Variants in GSTCD observed in about 807,000 individuals in gnomAD.
GSTCD encodes the protein glutathione S-transferase C-terminal domain containing, also known as glutathione S-transferase C-terminal domain-containing protein.
In GSTCD, 44 loss-of-function variants were observed where a neutral mutation model predicts 68.3. The observed-to-expected ratio is 0.64, with a 90% CI of 0.51 to 0.83. GSTCD has a LOEUF of 0.83. Among genes scored for constraint, GSTCD ranks in the 40% least tolerant of loss-of-function variants. The probability of loss-of-function intolerance (pLI) is 0.00; values close to 1 mark genes in which losing one functional copy is unlikely to be tolerated. For missense variants in GSTCD, 739 were observed against 735.9 expected, an observed-to-expected ratio of 1.00 and a Z score of -0.05; for synonymous variants, 273 against 255.2, an observed-to-expected ratio of 1.07 and a Z score of -0.67.
intron 5 of GSTCD, among the ~76,000 whole-genome samples, chr4:105,759,383 A>G (rs1734316390): frequency 6.6e-6 from 1 of 152,192 alleles, no homozygotes; most frequent in South Asian, 2.1e-4. Context: ...TGATAGTTCA[A>G]GTGAACCCAG....
At chr4:105,756,413 C>A (rs1474953882) in intron 5 of GSTCD, among the ~76,000 whole-genome samples, 3 of 151,450 alleles carry the variant, frequency 2.0e-5, no homozygotes, top group Non-Finnish European at 4.4e-5. Context: ...CTCATTAGAA[C>A]GCAAGACACT....
rs764152379 is a variant in GSTCD, at chr4:105,719,037, CTTGTT to C, written c.427-15_427-11del. 5 of 1,513,240 alleles carry C rather than the reference CTTGTT, an allele frequency of 3.3e-6. No individual in the cohort carries two copies. Among genetic ancestry groups the C allele is most frequent in the Non-Finnish European group, 3.6e-6 (4 of 1,115,242 alleles). The allele number at this position is 1,513,240 out of a possible 1,614,324, so 93.7% of individuals were successfully genotyped here. A position where few individuals can be genotyped will look rare whatever the true frequency, so the allele number is the denominator to read the frequency against. On this transcript the variant is annotated intron_variant, in intron 2 of 11. Coordinates refer to ENST00000515279, the MANE Select transcript of GSTCD (RefSeq NM_001370181.1). The stretch of plus-strand genomic sequence containing the variant: ...TTGAAATTAAAAAATCTTTTCATTT[CTTGTT>C]TTGTTTTTGTTTTGTAGGTTAGTCA...
intron 5 of GSTCD, among the ~76,000 whole-genome samples, chr4:105,760,737 A>G (rs1028734224): frequency 1.3e-5 from 2 of 152,194 alleles, no homozygotes; most frequent in African/African-American, 2.4e-5. Flanking sequence ...GTGGAAAGGG[A>G]ATTTCAAGTG....
intron 5 of GSTCD, among the ~76,000 whole-genome samples, chr4:105,774,212 A>G (rs920531452): frequency 6.6e-6 from 1 of 152,152 alleles, no homozygotes; most frequent in Non-Finnish European, 1.5e-5. Context: ...CTTGGTAAAT[A>G]TTCCTCCATC....
At chr4:105,772,903 T>G (rs1734910411) in intron 5 of GSTCD, among the ~76,000 whole-genome samples, 1 of 152,192 alleles carries the variant, frequency 6.6e-6, no homozygotes, top group Admixed American at 6.5e-5. Flanking sequence ...CCTCTTTTTC[T>G]GTTGTTTGCA....
chr4:105,805,112 A>G (rs1422301302), intron 5 of GSTCD, among the ~76,000 whole-genome samples: 1 of 152,132 alleles, frequency 6.6e-6, no homozygotes, highest in Non-Finnish European at 1.5e-5. Context: ...TAAAATATTT[A>G]TTGTAAAAGG....
chr4:105,810,744 C>G (rs1300584677), intron 5 of GSTCD, among the ~76,000 whole-genome samples: 1 of 151,970 alleles, frequency 6.6e-6, no homozygotes, highest in Non-Finnish European at 1.5e-5. Context: ...ATTTTTGTAG[C>G]TCTCAATTTC....
At chr4:105,807,621 A>C (rs1228977940) in intron 5 of GSTCD, among the ~76,000 whole-genome samples, 1 of 152,114 alleles carries the variant, frequency 6.6e-6, no homozygotes, top group Non-Finnish European at 1.5e-5. Flanking sequence ...ATGAAAATTA[A>C]ACTATTGGCA....
At chr4:105,718,318 C>G (rs1732750321) in intron 2 of GSTCD, among the ~76,000 whole-genome samples, 1 of 152,118 alleles carries the variant, frequency 6.6e-6, no homozygotes, top group South Asian at 2.1e-4. Context: ...GGTGCTCTCA[C>G]TGGGGTAATG....
chr4:105,842,252 C>A (rs1724381164), intron 11 of GSTCD, 118 bp downstream of exon 11: 2 of 708,612 alleles, frequency 2.8e-6, no homozygotes, highest in African/African-American at 1.8e-5. Flanking sequence ...CAATGAGAAA[C>A]TAAATATGTT....
chr4:105,773,972 A>G (rs1444212128), intron 5 of GSTCD, among the ~76,000 whole-genome samples: 1 of 152,134 alleles, frequency 6.6e-6, no homozygotes, highest in African/African-American at 2.4e-5. Context: ...GTCTCCCACT[A>G]TTATTGTGTG....
At chr4:105,724,186 A>T (rs953278431) in intron 3 of GSTCD, among the ~76,000 whole-genome samples, 1 of 151,920 alleles carries the variant, frequency 6.6e-6, no homozygotes, top group Admixed American at 6.6e-5. Context: ...CATAAGTCAT[A>T]ATGTGTTTGA....
chr4:105,786,831 C>G (rs1158955230), intron 5 of GSTCD, among the ~76,000 whole-genome samples: 2 of 151,928 alleles, frequency 1.3e-5, no homozygotes, highest in Non-Finnish European at 2.9e-5. Context: ...AATAAAATAG[C>G]CAGATAATAA....
At chr4:105,772,504 A>G (rs1372616965) in intron 5 of GSTCD, among the ~76,000 whole-genome samples, 1 of 152,150 alleles carries the variant, frequency 6.6e-6, no homozygotes, top group East Asian at 1.9e-4. Context: ...TGTCATAAAT[A>G]GCTCTTATTG....
chr4:105,832,542 G>A (rs1040186390), intron 8 of GSTCD, among the ~76,000 whole-genome samples: 12 of 152,188 alleles, frequency 7.9e-5, no homozygotes, highest in African/African-American at 2.6e-4. Context: ...TTTGCTCAGA[G>A]CCTGAAGAGG....
chr4:105,738,401 A>AT (rs1402904926), intron 5 of GSTCD, among the ~76,000 whole-genome samples: 2 of 151,324 alleles, frequency 1.3e-5, no homozygotes, highest in Non-Finnish European at 2.9e-5. Context: ...GAATTTTAGG[A>AT]TTTTTTTTCT....
chr4:105,731,226 T>A (rs1055950334), intron 5 of GSTCD, among the ~76,000 whole-genome samples: 2 of 152,168 alleles, frequency 1.3e-5, no homozygotes, highest in African/African-American at 4.8e-5. Flanking sequence ...TCTTTTTTGG[T>A]TCCATATGAA....
intron 5 of GSTCD, among the ~76,000 whole-genome samples, chr4:105,756,744 A>G: frequency 6.6e-6 from 1 of 152,124 alleles, no homozygotes; most frequent in East Asian, 1.9e-4. Context: ...CTCTGCAGAT[A>G]TCTGACAGAG....
rs1724518872 is a variant in GSTCD at position 105,845,585 on chromosome 4, T to A, written c.*8T>A. 1 of 1,613,638 alleles carries A rather than the reference T, an allele frequency of 6.2e-7. No individual in the cohort carries two copies. The highest frequency in any genetic ancestry group is 1.7e-5 in the Admixed American group (1 of 59,996). ...GTGGGAGTCCCCATTTAAAATGAGA[T>A]ATTCACATTTGATATTTTGCCATCC... On this transcript the variant is annotated 3_prime_UTR_variant, in exon 12 of 12. Transcript: ENST00000515279.
Sources: allele counts gnomAD v4.1 joint callset (sites outside exome capture counted in the v4.1 genomes callset), GRCh38; gene constraint gnomAD v4.1.1; transcripts MANE v1.5; gene names NCBI Gene and HGNC (gene_info 2026-07-23, HGNC 2026-07-21).